TRPS1: variants seen among roughly 807,000 people sequenced by gnomAD.
TRPS1 encodes the protein transcriptional repressor GATA binding 1.
In TRPS1, 6 loss-of-function variants were observed where a neutral mutation model predicts 101.2. The observed-to-expected ratio is 0.06, with a 90% confidence interval of 0.03 to 0.12. TRPS1 has a LOEUF of 0.12. Ranked by LOEUF, TRPS1 falls within the 10% of genes least tolerant of loss-of-function variation. The pLI, the probability that TRPS1 is intolerant of heterozygous loss-of-function variation, is 1.00. For missense variants in TRPS1, 1,363 were observed against 1,567.0 expected (o/e 0.87, Z 2.20); for synonymous variants, 578 against 589.8 (o/e 0.98, Z 0.29).
chr8:115,491,886 T>C (rs888122558), intron 5 of TRPS1, among the ~76,000 whole-genome samples: 1 of 152,128 alleles, frequency 6.6e-6, no homozygotes, highest in African/African-American at 2.4e-5. Context: ...TGAATCCAAA[T>C]ACAAACGAGT....
At chr8:115,509,301 T>A (rs1815522354) in intron 5 of TRPS1, among the ~76,000 whole-genome samples, 1 of 152,058 alleles carries the variant, frequency 6.6e-6, no homozygotes, top group Non-Finnish European at 1.5e-5. Flanking sequence ...ATTCATTTAA[T>A]CATCATTTAT....
chr8:115,632,111 G>C (rs1390785940), intron 1 of TRPS1, among the ~76,000 whole-genome samples: 1 of 152,060 alleles, frequency 6.6e-6, no homozygotes, highest in Non-Finnish European at 1.5e-5. Context: ...TATAATAAGA[G>C]TACCATAATC....
At chr8:115,467,871 C>A (rs1261409922) in intron 5 of TRPS1, among the ~76,000 whole-genome samples, 1 of 152,168 alleles carries the variant, frequency 6.6e-6, no homozygotes, top group Non-Finnish European at 1.5e-5. Flanking sequence ...GAGCTTCTTC[C>A]TATGACTGCA....
At chr8:115,488,519 C>CA (rs150889383) in intron 5 of TRPS1, among the ~76,000 whole-genome samples, 1,994 of 151,944 alleles carry the variant, frequency 0.013, 43 homozygotes, top group African/African-American at 0.046. Flanking sequence ...TGAAACCCCC[C>CA]AAAAAATTAG....
At chr8:115,616,661 T>C (rs991637818) in intron 3 of TRPS1, among the ~76,000 whole-genome samples, 4 of 152,222 alleles carry the variant, frequency 2.6e-5, no homozygotes, top group Non-Finnish European at 5.9e-5. Flanking sequence ...GCTTAAATTA[T>C]GGACTTATAT....
chr8:115,631,657 GGATGGA>G (rs1818645341), intron 1 of TRPS1, among the ~76,000 whole-genome samples: 1 of 148,012 alleles, frequency 6.8e-6, no homozygotes, highest in Non-Finnish European at 1.5e-5. Context: ...ATGGATGGAT[GGATGGA>G]TGGATGGATG....
chr8:115,429,079 TAAC>T (rs1813256855), intron 5 of TRPS1, among the ~76,000 whole-genome samples: 1 of 152,204 alleles, frequency 6.6e-6, no homozygotes, highest in Non-Finnish European at 1.5e-5. Flanking sequence ...TGAATTTCCT[TAAC>T]AATAATGATG....
At chr8:115,618,793 G>C (rs934080382) in intron 3 of TRPS1, among the ~76,000 whole-genome samples, 5 of 152,164 alleles carry the variant, frequency 3.3e-5, no homozygotes, top group African/African-American at 7.2e-5. Flanking sequence ...TTATTATCAT[G>C]TGCAACCATA....
chr8:115,413,834 C>T lies in TRPS1; in HGVS notation c.*189G>A. 1.6e-6 allele frequency: 1 copy of T among 613,096 alleles called. No individual in the cohort carries two copies. The highest frequency in any genetic ancestry group is 2.2e-5 in the South Asian group (1 of 45,830). 38.0% of individuals were successfully genotyped at this position (613,096 alleles called of 1,614,324 possible). ...CCATCTTCCATTCTTTCTCATTGAC[C>T]ATTTATCTCACTTTTTAATCTTGGT... On this transcript the variant is annotated 3_prime_UTR_variant, in exon 7 of 7. Coordinates refer to ENST00000395715, the MANE Select transcript of TRPS1 (RefSeq NM_014112.5).
rs773536407 is a variant in TRPS1, at chr8:115,587,485, C to G, written c.2216G>C (p.Gly739Ala). The G allele has an allele frequency of 6.2e-7, 1 of 1,614,116 alleles. No homozygotes were observed. Among genetic ancestry groups the G allele is most frequent in the Non-Finnish European group, 8.5e-7 (1 of 1,180,014 alleles). Reference sequence around the variant, plus strand: ...GGATATGGCATGACCGTCCTCTTCGCCGTTGGCTGTAGTGATGTCCTGTTC... The same window carrying G: ...GGATATGGCATGACCGTCCTCTTCGGCGTTGGCTGTAGTGATGTCCTGTTC... The part of the protein sequence containing the change: ...CQEQDITTAN[G>A]EEDGHAISTI... The change falls in exon 5 of 7, where the codon GGC (glycine) becomes GCC (alanine). Residue 739 changes from glycine (G) to alanine (A), a missense_variant. Around this residue, in one of 5 missense-constraint regions of TRPS1, gnomAD observed 1,020 missense variants for 1,073.0 expected, o/e 0.95. Transcript: ENST00000395715.
intron 5 of TRPS1, among the ~76,000 whole-genome samples, chr8:115,446,492 G>A (rs991861396): frequency 6.6e-6 from 1 of 152,108 alleles, no homozygotes; most frequent in African/African-American, 2.4e-5. Context: ...ACCTGGGCCT[G>A]AGGCAGAAGG....
chr8:115,459,856 T>A (rs1814122505), intron 5 of TRPS1, among the ~76,000 whole-genome samples: 1 of 152,174 alleles, frequency 6.6e-6, no homozygotes, highest in Admixed American at 6.5e-5. Flanking sequence ...GATATCTAAG[T>A]CTTTTTTGTA....
intron 1 of TRPS1, among the ~76,000 whole-genome samples, chr8:115,645,323 A>G (rs1196772120): frequency 6.6e-6 from 1 of 152,168 alleles, no homozygotes; most frequent in Non-Finnish European, 1.5e-5. Context: ...TGGCTATGGA[A>G]TCACACAACT....
At position 115,544,112 on chromosome 8, in the gene TRPS1, G is replaced by A. The variant is rs560292664; in HGVS notation, c.2700+42889C>T. On this transcript the variant is annotated intron_variant, in intron 5 of 6. Coordinates refer to ENST00000395715, the MANE Select transcript of TRPS1 (RefSeq NM_014112.5). Reference sequence around the variant, plus strand: ...GAGAATAATTTCAAACCTGTGAAGTGGCATTTTTGTGAACACAACAATGGA... The same window carrying A: ...GAGAATAATTTCAAACCTGTGAAGTAGCATTTTTGTGAACACAACAATGGA... Among the ~76,000 whole-genome samples, 5 of 150,472 alleles carry A rather than the reference G, an allele frequency of 3.3e-5. No individual in the cohort carries two copies. The East Asian group carries it at 9.7e-4, about 29-fold the overall frequency.
chr8:115,535,533 C>A (rs537826777), intron 5 of TRPS1, among the ~76,000 whole-genome samples: 1 of 147,600 alleles, frequency 6.8e-6, no homozygotes, highest in Admixed American at 6.8e-5. Context: ...GCATATATAG[C>A]GCATATATAT....
intron 5 of TRPS1, among the ~76,000 whole-genome samples, chr8:115,526,935 A>G (rs187701137): frequency 6.6e-6 from 1 of 152,272 alleles, no homozygotes; most frequent in East Asian, 1.9e-4. Context: ...AGATACACTG[A>G]TGTGAGGCTT....
intron 5 of TRPS1, among the ~76,000 whole-genome samples, chr8:115,486,856 G>A (rs1471365307): frequency 6.6e-6 from 1 of 152,224 alleles, no homozygotes; most frequent in Non-Finnish European, 1.5e-5. Flanking sequence ...AGGTTAAGAA[G>A]CAAGTGCTGA....
At chr8:115,466,235 G>A (rs542518659) in intron 5 of TRPS1, among the ~76,000 whole-genome samples, 2 of 152,110 alleles carry the variant, frequency 1.3e-5, no homozygotes, top group Non-Finnish European at 2.9e-5. Flanking sequence ...TGATGCCATA[G>A]GCGAAGCAAA....
At chr8:115,484,683 C>G (rs1563764084) in intron 5 of TRPS1, among the ~76,000 whole-genome samples, 1 of 152,142 alleles carries the variant, frequency 6.6e-6, no homozygotes, top group African/African-American at 2.4e-5. Context: ...AATGTGATGT[C>G]CTACAATGCT....
Sources: gnomAD v4.1 joint callset for allele counts (sites outside exome capture counted in the v4.1 genomes callset) on GRCh38, gnomAD v4.1.1 for gene constraint, gnomAD v4.1.1 regional missense constraint, MANE v1.5 for transcripts, NCBI Gene and HGNC (gene_info 2026-07-23, HGNC 2026-07-21) for gene names.